CACNA1E: variants seen among roughly 807,000 people sequenced by gnomAD.
CACNA1E encodes calcium voltage-gated channel subunit alpha1 E, also known as voltage-dependent R-type calcium channel subunit alpha-1E.
A neutral mutation model predicts 259.2 loss-of-function variants in CACNA1E; 40 were observed. The observed-to-expected ratio is 0.15, with a 90% CI of 0.12 to 0.20. CACNA1E has a LOEUF of 0.20. Among genes scored for constraint, CACNA1E ranks in the 10% least tolerant of loss-of-function variants. The pLI, the probability that CACNA1E is intolerant of heterozygous loss-of-function variation, is 1.00. For synonymous variants in CACNA1E, 1,104 were observed against 1,138.5 expected (o/e 0.97, Z 0.61); for missense variants, 1,874 against 3,040.1 (o/e 0.62, Z 9.02).
intron 1 of CACNA1E, among the ~76,000 whole-genome samples, chr1:181,400,880 G>C (rs1403864772): frequency 6.6e-6 from 1 of 152,088 alleles, no homozygotes; most frequent in Non-Finnish European, 1.5e-5. Flanking sequence ...GCTTCCAACT[G>C]GTCTCCCTGC....
At chr1:181,754,619 T>TCCCACATTACTTCTATTGGTCTTC (rs1417722486) in intron 27 of CACNA1E, among the ~76,000 whole-genome samples, 2 of 152,206 alleles carry the variant, frequency 1.3e-5, no homozygotes, top group African/African-American at 4.8e-5. Flanking sequence ...TATTGGTCTT[T>TCCCACATTACTTCTATTGGTCTTC]CCCACATTAC....
intron 32 of CACNA1E, among the ~76,000 whole-genome samples, chr1:181,762,233 A>G (rs1658644722): frequency 6.6e-6 from 1 of 152,376 alleles, no homozygotes; most frequent in Admixed American, 6.5e-5. Flanking sequence ...TTATTTGTCA[A>G]TCATGCCTCC....
intron 2 of CACNA1E, among the ~76,000 whole-genome samples, chr1:181,452,641 A>G (rs1661233097): frequency 6.6e-6 from 1 of 152,196 alleles, no homozygotes; most frequent in Non-Finnish European, 1.5e-5. Flanking sequence ...GCATTTCCCA[A>G]TGTGGAAAAA....
chr1:181,397,691 G>A (rs777228633), intron 1 of CACNA1E, among the ~76,000 whole-genome samples: 7 of 152,178 alleles, frequency 4.6e-5, no homozygotes, highest in Admixed American at 1.3e-4. Flanking sequence ...CTACATCAGC[G>A]ATGCTTAGAA....
At chr1:181,654,969 C>T (rs922300285) in intron 7 of CACNA1E, among the ~76,000 whole-genome samples, 5 of 128,020 alleles carry the variant, frequency 3.9e-5, no homozygotes, top group South Asian at 2.4e-4. Context: ...TGGGCGACAG[C>T]GAGACTCCAT....
At chr1:181,596,761 C>T (rs77193127) in intron 6 of CACNA1E, among the ~76,000 whole-genome samples, 4,467 of 152,034 alleles carry the variant, frequency 0.029, 231 homozygotes, top group African/African-American at 0.1. Context: ...ATTCATAACA[C>T]GAAGCAAGAT....
rs750320048 is a variant in CACNA1E at position 181,758,181 on chromosome 1, C to T, written c.4494+70C>T. The stretch of plus-strand genomic sequence containing the variant: ...TTCCCTCCCAGGGCAAGTGGGAAGA[C>T]ACCCCAACATCCCAGCCCATCACTG... On this transcript the variant is annotated intron_variant, in intron 31 of 47. Transcript: ENST00000367573. The surrounding 1 kb of genome is among the most constrained non-coding windows in gnomAD (Gnocchi z 4.2). 1.0e-5 allele frequency: 14 copies of T among 1,359,574 alleles called. No individual in the cohort carries two copies. Among genetic ancestry groups the T allele is most frequent in the Middle Eastern group, 2.5e-4 (1 of 4,054 alleles). 84.2% of individuals were successfully genotyped at this position (1,359,574 alleles called of 1,614,324 possible). A position where few individuals can be genotyped will look rare whatever the true frequency, so the allele number is the denominator to read the frequency against.
chr1:181,639,167 A>G lies in CACNA1E; in HGVS notation c.952-12171A>G, dbSNP rs1372572290. ...CATTGGCATGATCTTGGCTCACTGC[A>G]AGCTCCGCTGACCAGGTTCACGCCA... On this transcript the variant is annotated intron_variant, in intron 6 of 47. Coordinates refer to ENST00000367573, the MANE Select transcript of CACNA1E (RefSeq NM_001205293.3). Among the ~76,000 whole-genome samples, 4 of 151,754 alleles carry G rather than the reference A, an allele frequency of 2.6e-5. No homozygotes were observed. In the East Asian group the frequency reaches 7.7e-4, roughly 29 times the overall value.
chr1:181,750,959 A>G (rs1657540180), intron 26 of CACNA1E, among the ~76,000 whole-genome samples: 2 of 148,356 alleles, frequency 1.3e-5, no homozygotes, highest in African/African-American at 5.0e-5. Flanking sequence ...GAATGGATGG[A>G]CTTTTATCTC....
In CACNA1E at chr1:181,807,189, T is replaced by C. The variant is rs552487401; in HGVS notation, c.*8355T>C. On this transcript the variant is annotated 3_prime_UTR_variant, in exon 48 of 48. Transcript: ENST00000367573. Reference sequence around the variant, plus strand: ...CTTGGATAACATTTTTTTTTAAAGATTCCATACAAACTCATTCCCTGAAAG... The same window carrying C: ...CTTGGATAACATTTTTTTTTAAAGACTCCATACAAACTCATTCCCTGAAAG... The C allele has an allele frequency of 6.6e-6, 1 of 151,700 alleles. No individual in the cohort carries two copies. Among genetic ancestry groups the C allele is most frequent in the South Asian group, 2.1e-4 (1 of 4,792 alleles). 9.4% of individuals were successfully genotyped at this position (151,700 alleles called of 1,614,324 possible).
At chr1:181,537,870 G>A (rs1668294271) in intron 3 of CACNA1E, among the ~76,000 whole-genome samples, 1 of 152,116 alleles carries the variant, frequency 6.6e-6, no homozygotes, top group African/African-American at 2.4e-5. Context: ...CCAGATAAGG[G>A]GCTACCTACT....
chr1:181,340,490 A>T (rs1257893146), intron 1 of CACNA1E, among the ~76,000 whole-genome samples: 2 of 151,932 alleles, frequency 1.3e-5, no homozygotes, highest in Non-Finnish European at 2.9e-5. Context: ...TTTATTGGTA[A>T]TTTTTTTGAG....
chr1:181,554,719 C>G (rs1212015940), intron 3 of CACNA1E, among the ~76,000 whole-genome samples: 2 of 152,162 alleles, frequency 1.3e-5, no homozygotes, highest in Non-Finnish European at 2.9e-5. Context: ...GCTGAATTCT[C>G]CTGGGATTGA....
intron 17 of CACNA1E, among the ~76,000 whole-genome samples, chr1:181,725,489 T>C (rs1164928693): frequency 6.6e-6 from 1 of 152,216 alleles, no homozygotes; most frequent in Non-Finnish European, 1.5e-5. Flanking sequence ...ATGTATGTGC[T>C]CTTATTAGCT....
intron 2 of CACNA1E, among the ~76,000 whole-genome samples, chr1:181,415,344 C>T (rs1436295405): frequency 6.6e-6 from 1 of 152,134 alleles, no homozygotes; most frequent in Non-Finnish European, 1.5e-5. Flanking sequence ...CAGCCACCTA[C>T]CTGGGGTGCT....
At chr1:181,763,273 G>A in intron 33 of CACNA1E, 133 bp from the exon 34 acceptor site, 1 of 720,558 alleles carries the variant, frequency 1.4e-6, no homozygotes, top group Non-Finnish European at 2.3e-6. Context: ...CCCATCAGCT[G>A]GAATTGGGGT....
At chr1:181,408,094 G>A (rs1657595304) in intron 1 of CACNA1E, among the ~76,000 whole-genome samples, 1 of 152,114 alleles carries the variant, frequency 6.6e-6, no homozygotes, top group Admixed American at 6.5e-5. Context: ...CAATGTGCTT[G>A]GTGGTCTATG....
At chr1:181,500,268 G>A (rs765803296) in intron 1 of CACNA1E, among the ~76,000 whole-genome samples, 17 of 152,242 alleles carry the variant, frequency 1.1e-4, no homozygotes, top group Non-Finnish European at 1.9e-4. Context: ...AGCAGTCACC[G>A]CCTTAACATC....
At chr1:181,713,894 A>G (rs73043462) in intron 8 of CACNA1E, among the ~76,000 whole-genome samples, 2,237 of 152,286 alleles carry the variant, frequency 0.015, 57 homozygotes, top group African/African-American at 0.051. Context: ...ATGACACCTC[A>G]GTAGAGTATG....
Sources: gnomAD v4.1 joint callset for allele counts (sites outside exome capture counted in the v4.1 genomes callset) on GRCh38, gnomAD v4.1.1 for gene constraint, Gnocchi (gnomAD v3.1) non-coding constraint, MANE v1.5 for transcripts, NCBI Gene and HGNC (gene_info 2026-07-23, HGNC 2026-07-21) for gene names.